The following ATRNL1 variants were observed in gnomAD, a reference collection of about 807,000 sequenced individuals.
The protein encoded by ATRNL1 is attractin-like protein 1.
A neutral mutation model predicts 182.7 loss-of-function variants in ATRNL1; 95 were observed. The ratio of observed to expected loss-of-function variants is 0.52; its 90% CI spans 0.44 to 0.62. The LOEUF is 0.62. ATRNL1 is among the 20% of genes least tolerant of loss of function. The pLI, the probability that ATRNL1 is intolerant of heterozygous loss-of-function variation, is 0.00. For synonymous variants in ATRNL1, 576 were observed against 568.3 expected, an observed-to-expected ratio of 1.01 and a Z score of -0.19; for missense variants, 1,471 against 1,679.5, an observed-to-expected ratio of 0.88 and a Z score of 2.17.
intron 10 of ATRNL1, among the ~76,000 whole-genome samples, chr10:115,259,922 G>C (rs1330499460): frequency 1.3e-5 from 2 of 152,092 alleles, no homozygotes; most frequent in Non-Finnish European, 2.9e-5. Flanking sequence ...TGTGCCAGAA[G>C]GAAAGGAACT....
chr10:115,354,159 T>C (rs1564945468), intron 19 of ATRNL1, among the ~76,000 whole-genome samples: 1 of 151,270 alleles, frequency 6.6e-6, no homozygotes, highest in Non-Finnish European at 1.5e-5. Flanking sequence ...TCATCCACTA[T>C]CATTAGTGAT....
intron 26 of ATRNL1, among the ~76,000 whole-genome samples, chr10:115,659,730 A>C (rs556920670): frequency 2.0e-5 from 3 of 152,280 alleles, no homozygotes; most frequent in South Asian, 2.1e-4. Context: ...GTCTCAAAGA[A>C]TGTGAAATCC....
At chr10:115,774,743 A>G (rs1297741166) in intron 27 of ATRNL1, among the ~76,000 whole-genome samples, 2 of 152,144 alleles carry the variant, frequency 1.3e-5, no homozygotes, top group Non-Finnish European at 2.9e-5. Flanking sequence ...TTAGTATCAC[A>G]TAATTCCTAC....
chr10:115,659,910 G>A (rs782725822), intron 26 of ATRNL1, among the ~76,000 whole-genome samples: 6 of 152,170 alleles, frequency 3.9e-5, no homozygotes, highest in African/African-American at 7.2e-5. Flanking sequence ...GTGAGGGTGT[G>A]TCAAGAGATC....
At chr10:115,518,810 TA>T (rs1241129458) in intron 24 of ATRNL1, among the ~76,000 whole-genome samples, 2 of 151,938 alleles carry the variant, frequency 1.3e-5, no homozygotes, top group African/African-American at 4.8e-5. Flanking sequence ...AACTTCTTAT[TA>T]ACATTAACAA....
At chr10:115,730,253 C>CAAAAAAA (rs535690432) in intron 27 of ATRNL1, among the ~76,000 whole-genome samples, 7 of 61,436 alleles carry the variant, frequency 1.1e-4, no homozygotes, top group Non-Finnish European at 1.7e-4. Flanking sequence ...TAGGACTCCT[C>CAAAAAAA]AAAAAAAAAA....
intron 10 of ATRNL1, among the ~76,000 whole-genome samples, chr10:115,254,850 A>T (rs1300773112): frequency 1.3e-5 from 2 of 152,196 alleles, no homozygotes; most frequent in Non-Finnish European, 2.9e-5. Context: ...AGCTTTCTAC[A>T]TATGGCTAGC....
At chr10:115,599,444 C>G (rs966573473) in intron 26 of ATRNL1, among the ~76,000 whole-genome samples, 4 of 152,024 alleles carry the variant, frequency 2.6e-5, no homozygotes, top group Non-Finnish European at 5.9e-5. Context: ...TTTGTACTTC[C>G]CATTTGTTAT....
chr10:115,581,711 T>G lies in ATRNL1; in HGVS notation c.3795+32175T>G, dbSNP rs372790512. On this transcript the variant is annotated intron_variant, in intron 26 of 28. Transcript: ENST00000355044. ...AAACAGGTCTTCCATTCTTACAAAGTTCGGAAGATATGTAAAGAAACCATC... is the reference window on the plus strand; with the variant it reads ...AAACAGGTCTTCCATTCTTACAAAGGTCGGAAGATATGTAAAGAAACCATC... Among the ~76,000 whole-genome samples, 45 of 151,850 alleles carry G rather than the reference T, an allele frequency of 3.0e-4. No individual in the cohort carries two copies. In the East Asian group the frequency reaches 7.8e-3, roughly 26 times the overall value.
intron 27 of ATRNL1, among the ~76,000 whole-genome samples, chr10:115,791,923 A>G (rs1949541088): frequency 6.6e-6 from 1 of 152,174 alleles, no homozygotes; most frequent in South Asian, 2.1e-4. Context: ...AGTTTCTGCT[A>G]TTTGTTACCT....
chr10:115,365,952 A>G (rs1397142092), intron 19 of ATRNL1, among the ~76,000 whole-genome samples: 1 of 152,122 alleles, frequency 6.6e-6, no homozygotes, highest in African/African-American at 2.4e-5. Flanking sequence ...TATGTGGTCA[A>G]TTTTAGAATA....
intron 8 of ATRNL1, 80 bp from the exon 9 acceptor site, chr10:115,215,617 C>A: frequency 9.4e-7 from 1 of 1,067,378 alleles, no homozygotes; most frequent in Non-Finnish European, 1.3e-6. Flanking sequence ...TTAGAATTAA[C>A]TTGTTGGTAT....
chr10:115,454,367 C>T (rs633750), intron 21 of ATRNL1, among the ~76,000 whole-genome samples: 5 of 151,758 alleles, frequency 3.3e-5, no homozygotes, highest in Admixed American at 1.3e-4. Flanking sequence ...TGGTCAGAAT[C>T]GTTTTGACTA....
At chr10:115,453,882 G>A (rs960952902) in intron 21 of ATRNL1, among the ~76,000 whole-genome samples, 1 of 151,548 alleles carries the variant, frequency 6.6e-6, no homozygotes, top group East Asian at 1.9e-4. Flanking sequence ...CACCAGCATG[G>A]CACATGTATA....
At chr10:115,212,425 G>A (rs1849066878) in intron 8 of ATRNL1, among the ~76,000 whole-genome samples, 2 of 151,562 alleles carry the variant, frequency 1.3e-5, no homozygotes, top group African/African-American at 4.8e-5. Context: ...CAACCATTGT[G>A]GAAGACACTG....
chr10:115,287,499 A>G (rs1222962362), intron 15 of ATRNL1, among the ~76,000 whole-genome samples: 1 of 84,242 alleles, frequency 1.2e-5, no homozygotes, highest in Non-Finnish European at 2.6e-5. Flanking sequence ...TAATATTGAA[A>G]CTGATTGTGG....
intron 5 of ATRNL1, among the ~76,000 whole-genome samples, chr10:115,132,540 CCCA>C: frequency 6.6e-6 from 1 of 151,628 alleles, no homozygotes; most frequent in African/African-American, 2.4e-5. Context: ...AGTTTACAGT[CCCA>C]CCAACAGTGT....
In ATRNL1 at chr10:115,886,502, G is replaced by A. The variant is rs150327120; in HGVS notation, c.4018+38511G>A. Among the ~76,000 whole-genome samples, 128 of 152,244 alleles carry A rather than the reference G, an allele frequency of 8.4e-4. No homozygotes were observed. The East Asian group carries it at 0.022, about 26-fold the overall frequency. ...GCACTCCAGCCTGGGCAACAAGAGC[G>A]AAACTGTCTCAAAAACAAAAACAAA... On this transcript the variant is annotated intron_variant, in intron 28 of 28. Coordinates refer to ENST00000355044, the MANE Select transcript of ATRNL1 (RefSeq NM_207303.4).
At chr10:115,188,015 A>G (rs1312263833) in intron 8 of ATRNL1, among the ~76,000 whole-genome samples, 4 of 135,154 alleles carry the variant, frequency 3.0e-5, no homozygotes, top group Admixed American at 2.3e-4. Flanking sequence ...TATTAAGGAC[A>G]GTAAGAATGA....
Sources: allele counts gnomAD v4.1 joint callset (sites outside exome capture counted in the v4.1 genomes callset), GRCh38; gene constraint gnomAD v4.1.1; transcripts MANE v1.5; gene names NCBI Gene and HGNC (gene_info 2026-07-23, HGNC 2026-07-21).